PPM1E: variants seen among roughly 807,000 people sequenced by gnomAD.
PPM1E encodes the protein protein phosphatase 1E.
A neutral mutation model predicts 65.9 loss-of-function variants in PPM1E; 20 were observed. The ratio of observed to expected loss-of-function variants is 0.30; its 90% confidence interval spans 0.21 to 0.44. The LOEUF is 0.44. PPM1E is among the 20% of genes least tolerant of loss of function. The probability of loss-of-function intolerance (pLI) is 1.00; values close to 1 mark genes in which losing one functional copy is unlikely to be tolerated. For missense variants in PPM1E, 713 were observed against 953.1 expected (o/e 0.75, Z 3.32); for synonymous variants, 352 against 374.9 (o/e 0.94, Z 0.70).
At chr17:58,958,177 T>G (rs774100097) in intron 2 of PPM1E, among the ~76,000 whole-genome samples, 1 of 151,924 alleles carries the variant, frequency 6.6e-6, no homozygotes, top group Non-Finnish European at 1.5e-5. Flanking sequence ...AATATCACAG[T>G]GTAAAAATTA....
chr17:58,854,474 C>G (rs2050860990), intron 1 of PPM1E, among the ~76,000 whole-genome samples: 1 of 152,188 alleles, frequency 6.6e-6, no homozygotes, highest in Non-Finnish European at 1.5e-5. Context: ...AGCAGGCAAC[C>G]TTGCCTTGTT....
At chr17:58,812,979 A>G (rs866506667) in intron 1 of PPM1E, among the ~76,000 whole-genome samples, 4 of 152,212 alleles carry the variant, frequency 2.6e-5, no homozygotes, top group Non-Finnish European at 2.9e-5. Flanking sequence ...TCTGTGGCTC[A>G]GTCTTAAGGC....
intron 1 of PPM1E, among the ~76,000 whole-genome samples, chr17:58,923,911 C>CTTT (rs751578623): frequency 6.9e-4 from 45 of 64,846 alleles, no homozygotes; most frequent in Admixed American, 1.2e-3. Flanking sequence ...AAGACCCCCT[C>CTTT]TTTTTTTTTT....
At chr17:58,770,860 CTTTT>C (rs781300201) in intron 1 of PPM1E, among the ~76,000 whole-genome samples, 2 of 136,446 alleles carry the variant, frequency 1.5e-5, no homozygotes, top group Non-Finnish European at 1.6e-5. Context: ...TGTAACTTTT[CTTTT>C]TTTTTTTTTT....
At chr17:58,801,704 G>T (rs1268069174) in intron 1 of PPM1E, among the ~76,000 whole-genome samples, 1 of 151,536 alleles carries the variant, frequency 6.6e-6, no homozygotes, top group East Asian at 1.9e-4. Context: ...ACCTCCCAAA[G>T]TGTTGGGATT....
At chr17:58,860,514 T>A (rs1391575357) in intron 1 of PPM1E, among the ~76,000 whole-genome samples, 2 of 152,180 alleles carry the variant, frequency 1.3e-5, no homozygotes, top group African/African-American at 4.8e-5. Flanking sequence ...AGAAAGCTGA[T>A]GAAGCTGACC....
chr17:58,767,882 TC>T (rs938222051), intron 1 of PPM1E, among the ~76,000 whole-genome samples: 12 of 152,202 alleles, frequency 7.9e-5, no homozygotes, highest in African/African-American at 2.9e-4. Context: ...CCTCAGGTGA[TC>T]CGCCCACCTC....
chr17:58,980,867 A>C lies in PPM1E; in HGVS notation c.2104A>C (p.Thr702Pro). The stretch of plus-strand genomic sequence containing the variant: ...TCAAGAGCCTTCCCACAAAATAGGC[A>C]CTAGCCTGTCCTCACTTACTGGAAG... ...SAQEPSHKIG[T>P]SLSSLTGSGK... is the part of the protein sequence containing the mutation. The change falls in exon 7 of 7, where the codon ACT (threonine) becomes CCT (proline). Residue 702 changes from threonine to proline, a missense_variant. Physicochemically the swap from Thr to Pro is conservative, Grantham distance 38 (BLOSUM62 -1). Transcript: ENST00000308249. The surrounding 1 kb of genome is among the most constrained non-coding windows in gnomAD (Gnocchi z 4.7). 5.0e-6 allele frequency: 8 copies of C among 1,614,228 alleles called. No homozygotes were observed. The highest frequency in any genetic ancestry group is 6.8e-6 in the Non-Finnish European group (8 of 1,180,032).
chr17:58,972,322 T>C lies in PPM1E; in HGVS notation c.1116+47T>C, dbSNP rs2030685405. 4.5e-6 allele frequency: 7 copies of C among 1,554,662 alleles called. No homozygotes were observed. In the Admixed American group the frequency reaches 1.4e-4, roughly 31 times the overall value. The stretch of plus-strand genomic sequence containing the variant: ...AGAGCCCATGCTCTAGTTATTAGTT[T>C]AGATTTTCTAGTTATTGATTAGGAT... On this transcript the variant is annotated intron_variant, in intron 5 of 6. Coordinates refer to ENST00000308249, the MANE Select transcript of PPM1E (RefSeq NM_014906.5).
intron 1 of PPM1E, among the ~76,000 whole-genome samples, chr17:58,820,330 G>T (rs1162124915): frequency 6.6e-6 from 1 of 152,056 alleles, no homozygotes; most frequent in Non-Finnish European, 1.5e-5. Context: ...TACTAATTTT[G>T]TGTGACCTTG....
chr17:58,867,308 C>CA (rs1417169516), intron 1 of PPM1E, among the ~76,000 whole-genome samples: 2 of 152,156 alleles, frequency 1.3e-5, no homozygotes, highest in Admixed American at 1.3e-4. Flanking sequence ...ACGCAAAAAT[C>CA]ATGTTACTCA....
At chr17:58,937,316 T>C in intron 1 of PPM1E, among the ~76,000 whole-genome samples, 1 of 144,512 alleles carries the variant, frequency 6.9e-6, no homozygotes, top group Admixed American at 7.1e-5. Flanking sequence ...CAGGCTGGAG[T>C]GCAGTGGTGC....
intron 1 of PPM1E, among the ~76,000 whole-genome samples, chr17:58,798,775 C>T: frequency 6.6e-6 from 1 of 151,778 alleles, no homozygotes; most frequent in South Asian, 2.1e-4. Context: ...CTCACTGCAC[C>T]CTCTGCCTCC....
At chr17:58,763,035 A>C (rs936590727) in intron 1 of PPM1E, among the ~76,000 whole-genome samples, 8 of 152,054 alleles carry the variant, frequency 5.3e-5, no homozygotes, top group African/African-American at 1.7e-4. Flanking sequence ...TGATTATACT[A>C]TGATTTATCC....
intron 6 of PPM1E, among the ~76,000 whole-genome samples, chr17:58,978,433 A>T (rs1372061698): frequency 1.3e-5 from 2 of 152,202 alleles, no homozygotes; most frequent in African/African-American, 4.8e-5. Context: ...ATGAGAGGCC[A>T]GATGCGGTGG....
At chr17:58,906,446 C>T (rs914275417) in intron 1 of PPM1E, among the ~76,000 whole-genome samples, 1 of 152,164 alleles carries the variant, frequency 6.6e-6, no homozygotes, top group African/African-American at 2.4e-5. Context: ...TCAAGTGATC[C>T]TCCCACCTCA....
At chr17:58,805,985 CAAAACAAAACAAAACAAAA>C (rs2050308641) in intron 1 of PPM1E, among the ~76,000 whole-genome samples, 1 of 77,478 alleles carries the variant, frequency 1.3e-5, no homozygotes, top group Non-Finnish European at 2.4e-5. Flanking sequence ...AAAAAAAAAA[CAAAACAAAACAAAACAAAA>C]AAAAAACTAT....
In PPM1E at chr17:58,981,992, A is replaced by G. The variant is rs536768380; in HGVS notation, c.*961A>G. ...AAAGGCATGTACTACTATAAAATACAAAGTGATTTTAGAGAATGAAAAATG... is the reference window on the plus strand; with the variant it reads ...AAAGGCATGTACTACTATAAAATACGAAGTGATTTTAGAGAATGAAAAATG... On this transcript the variant is annotated 3_prime_UTR_variant, in exon 7 of 7. Transcript: ENST00000308249. The G allele has an allele frequency of 6.6e-5, 10 of 152,668 alleles. No individual in the cohort carries two copies. Among genetic ancestry groups the G allele is most frequent in the Non-Finnish European group, 1.0e-4 (7 of 68,040 alleles). The allele number at this position is 152,668 out of a possible 1,614,324, so 9.5% of individuals were successfully genotyped here.
At chr17:58,879,188 A>G (rs1407046642) in intron 1 of PPM1E, among the ~76,000 whole-genome samples, 2 of 151,920 alleles carry the variant, frequency 1.3e-5, no homozygotes, top group Non-Finnish European at 2.9e-5. Flanking sequence ...TGTACATCAC[A>G]GCGTTTTTTC....
Sources: gnomAD v4.1 joint callset for allele counts (sites outside exome capture counted in the v4.1 genomes callset) on GRCh38, gnomAD v4.1.1 for gene constraint, Gnocchi (gnomAD v3.1) non-coding constraint, MANE v1.5 for transcripts, NCBI Gene and HGNC (gene_info 2026-07-23, HGNC 2026-07-21) for gene names.